NKAIN3: variants seen among roughly 807,000 people sequenced by gnomAD.
NKAIN3 encodes sodium/potassium-transporting ATPase subunit beta-1-interacting protein 3.
A neutral mutation model predicts 30.2 loss-of-function variants in NKAIN3; 25 were observed. The observed-to-expected ratio is 0.83, with a 90% CI of 0.60 to 1.16. The LOEUF (loss-of-function observed/expected upper bound fraction) is 1.16, where lower values mean the gene tolerates loss of function less well. Ranked by LOEUF, NKAIN3 falls within the 50% of genes most tolerant of loss-of-function variation. NKAIN3 has a pLI of 0.00. For synonymous variants in NKAIN3, 91 were observed against 89.6 expected (o/e 1.02, Z -0.09); for missense variants, 225 against 254.1 (o/e 0.89, Z 0.78).
intron 1 of NKAIN3, among the ~76,000 whole-genome samples, chr8:62,486,570 C>G (rs16929026): frequency 6.6e-6 from 1 of 152,010 alleles, no homozygotes. Flanking sequence ...GTGGGGCATC[C>G]CTTGCACTTG....
chr8:62,692,519 C>T (rs1275606251), intron 3 of NKAIN3, among the ~76,000 whole-genome samples: 1 of 152,110 alleles, frequency 6.6e-6, no homozygotes, highest in Non-Finnish European at 1.5e-5. Flanking sequence ...CCTTCCATTC[C>T]ACACTAAAGA....
At chr8:62,994,222 A>G (rs971680043) in intron 5 of NKAIN3, among the ~76,000 whole-genome samples, 8 of 152,226 alleles carry the variant, frequency 5.3e-5, no homozygotes, top group African/African-American at 1.9e-4. Flanking sequence ...AATGCCTACC[A>G]GGGGAAAACT....
chr8:62,600,190 A>G (rs576371831), intron 3 of NKAIN3, among the ~76,000 whole-genome samples: 89 of 152,180 alleles, frequency 5.8e-4, no homozygotes, highest in African/African-American at 2.0e-3. Context: ...TGGTACTTAC[A>G]TATTAGTAGT....
intron 5 of NKAIN3, among the ~76,000 whole-genome samples, chr8:62,945,487 G>C (rs1823096404): frequency 6.6e-6 from 1 of 152,150 alleles, no homozygotes; most frequent in Non-Finnish European, 1.5e-5. Flanking sequence ...TGTTCTGCCA[G>C]GATGATGCAC....
At chr8:62,790,599 G>GTC (rs1469370349) in intron 4 of NKAIN3, among the ~76,000 whole-genome samples, 10 of 151,770 alleles carry the variant, frequency 6.6e-5, no homozygotes, top group Non-Finnish European at 1.2e-4. Flanking sequence ...GTGTGTGTGT[G>GTC]TGTCTGTCTG....
intron 4 of NKAIN3, among the ~76,000 whole-genome samples, chr8:62,787,903 C>T (rs1192491516): frequency 6.6e-6 from 1 of 152,084 alleles, no homozygotes; most frequent in Non-Finnish European, 1.5e-5. Context: ...TGTATATGTG[C>T]CACATTTTCT....
intron 3 of NKAIN3, among the ~76,000 whole-genome samples, chr8:62,707,563 G>T (rs550179111): frequency 6.6e-6 from 1 of 152,122 alleles, no homozygotes; most frequent in South Asian, 2.1e-4. Context: ...CCCACTTTTT[G>T]ATGGGATTCT....
chr8:62,381,801 T>A (rs1196485275), intron 1 of NKAIN3, among the ~76,000 whole-genome samples: 1 of 151,708 alleles, frequency 6.6e-6, no homozygotes, highest in African/African-American at 2.4e-5. Flanking sequence ...AATAAGTTTT[T>A]CCCTAGGCAT....
chr8:62,827,365 G>C (rs2130739688), intron 4 of NKAIN3, among the ~76,000 whole-genome samples: 1 of 152,136 alleles, frequency 6.6e-6, no homozygotes, highest in African/African-American at 2.4e-5. Context: ...GTGTGCCAGG[G>C]AAAAAAATAG....
chr8:62,506,468 C>CTTTT (rs1396716098), intron 1 of NKAIN3, among the ~76,000 whole-genome samples: 1 of 57,746 alleles, frequency 1.7e-5, no homozygotes, highest in African/African-American at 8.0e-5. Flanking sequence ...TTTCTTTTTT[C>CTTTT]TTTCTTTCTT....
At chr8:62,866,648 G>A (rs1285200454) in intron 4 of NKAIN3, among the ~76,000 whole-genome samples, 1 of 151,962 alleles carries the variant, frequency 6.6e-6, no homozygotes, top group African/African-American at 2.4e-5. Flanking sequence ...TTTTTACTTT[G>A]TCCATTAACA....
At chr8:62,954,143 T>C (rs770915580) in intron 6 of NKAIN3, among the ~76,000 whole-genome samples, 171 bp downstream of exon 6, 5 of 152,202 alleles carry the variant, frequency 3.3e-5, no homozygotes, top group Non-Finnish European at 7.3e-5. Context: ...TATTATTCAT[T>C]CCAAAAAGGA....
At chr8:62,866,528 G>GGCAATA (rs1820419027) in intron 4 of NKAIN3, among the ~76,000 whole-genome samples, 1 of 152,136 alleles carries the variant, frequency 6.6e-6, no homozygotes, top group African/African-American at 2.4e-5. Flanking sequence ...AACCACAGGT[G>GGCAATA]GCAATACAAT....
chr8:62,665,079 A>T (rs1335441740), intron 3 of NKAIN3, among the ~76,000 whole-genome samples: 1 of 152,202 alleles, frequency 6.6e-6, no homozygotes, highest in African/African-American at 2.4e-5. Context: ...GTTACTGGAA[A>T]TGCAGAATGT....
chr8:62,911,846 T>C (rs1345543183), intron 4 of NKAIN3, among the ~76,000 whole-genome samples: 1 of 152,130 alleles, frequency 6.6e-6, no homozygotes, highest in Non-Finnish European at 1.5e-5. Context: ...CGTGGAAGCA[T>C]GGGAAGTTGC....
At chr8:62,931,736 A>G (rs1457613721) in intron 5 of NKAIN3, among the ~76,000 whole-genome samples, 1 of 152,204 alleles carries the variant, frequency 6.6e-6, no homozygotes, top group Non-Finnish European at 1.5e-5. Flanking sequence ...TACGGGACTC[A>G]AAGGACATTA....
intron 3 of NKAIN3, among the ~76,000 whole-genome samples, chr8:62,631,756 C>T (rs1397962191): frequency 6.6e-6 from 1 of 152,120 alleles, no homozygotes; most frequent in Non-Finnish European, 1.5e-5. Flanking sequence ...AATTTGAGTG[C>T]CACCTCTTCT....
chr8:62,829,929 G>GA (rs1249086229), intron 4 of NKAIN3, among the ~76,000 whole-genome samples: 8 of 151,486 alleles, frequency 5.3e-5, no homozygotes, highest in Non-Finnish European at 8.8e-5. Context: ...GAGAGAAAAG[G>GA]AAAAAAAATA....
rs887257318 is a variant in NKAIN3 at position 62,976,110 on chromosome 8, G to T, written c.*10703G>T. Among the ~76,000 whole-genome samples the T allele has an allele frequency of 2.0e-5, 3 of 152,148 alleles. No homozygotes were observed. The highest frequency in any genetic ancestry group is 7.2e-5 in the African/African-American group (3 of 41,420). On this transcript the variant is annotated 3_prime_UTR_variant, in exon 7 of 7. Coordinates refer to ENST00000623646, the MANE Select transcript of NKAIN3 (RefSeq NM_001304533.3). The stretch of plus-strand genomic sequence containing the variant: ...TGAGTGTTTTACTTCCAGTTATGTG[G>T]TCGATTTTAGGAAAATGTGCTATGT...
Sources: allele counts gnomAD v4.1 joint callset (sites outside exome capture counted in the v4.1 genomes callset), GRCh38; gene constraint gnomAD v4.1.1; transcripts MANE v1.5; gene names NCBI Gene and HGNC (gene_info 2026-07-23, HGNC 2026-07-21).